The following PCDHAC1 variants were observed in gnomAD, a reference collection of about 807,000 sequenced individuals.
PCDHAC1 encodes protocadherin alpha-C1.
Under a neutral mutation model 60.0 loss-of-function variants are expected in PCDHAC1, and 42 were observed. That is an observed-to-expected ratio of 0.70 (90% CI 0.55 to 0.90). The LOEUF is 0.90. Among genes scored for constraint, PCDHAC1 ranks in the 40% least tolerant of loss-of-function variants. The pLI is 0.00. For missense variants in PCDHAC1, 1,160 were observed against 1,222.3 expected, an observed-to-expected ratio of 0.95 and a Z score of 0.76; for synonymous variants, 468 against 499.3, an observed-to-expected ratio of 0.94 and a Z score of 0.84.
chr5:140,929,437 A>G (rs533186503), intron 1 of PCDHAC1, 112 bp downstream of exon 1: 1 of 1,453,986 alleles, frequency 6.9e-7, no homozygotes, highest in Non-Finnish European at 9.2e-7. Context: ...TGAACTAAAC[A>G]CTCCTTCTTA....
At position 140,927,047 on chromosome 5, in the gene PCDHAC1, C is replaced by T. The variant is rs782800214; in HGVS notation, c.155C>T (p.Ser52Leu). The change falls in exon 1 of 4, where the codon TCG becomes TTG. Residue 52 changes from serine (S) to leucine (L), a missense_variant. By Grantham distance (145) the Ser-to-Leu change is moderately radical. Coordinates refer to ENST00000253807, the MANE Select transcript of PCDHAC1 (RefSeq NM_018898.5). ...AGGCTGCCAGCGGCCGCTATGTCCT[C>T]GCGGAACTTTCGCTTCCTTTCCAGC... ...DLRLPAAAMSSRNFRFLSSHR... is the reference protein window; with the variant it reads ...DLRLPAAAMSLRNFRFLSSHR... The T allele has an allele frequency of 2.5e-6, 4 of 1,612,066 alleles. No homozygotes were observed. The highest frequency in any genetic ancestry group is 1.7e-5 in the Admixed American group (1 of 59,932).
At chr5:140,949,264 G>T (rs139292588) in intron 1 of PCDHAC1, among the ~76,000 whole-genome samples, 2 of 151,666 alleles carry the variant, frequency 1.3e-5, no homozygotes, top group African/African-American at 2.4e-5. Flanking sequence ...AACATATCAC[G>T]TGCACTTGAA....
At position 141,011,373 on chromosome 5, in the gene PCDHAC1, TAA is replaced by T. The variant is rs1299941460; in HGVS notation, c.*1437_*1438del. The T allele has an allele frequency of 1.3e-5, 2 of 153,792 alleles. No homozygotes were observed. Among genetic ancestry groups the T allele is most frequent in the Non-Finnish European group, 2.9e-5 (2 of 68,046 alleles). The allele number at this position is 153,792 out of a possible 1,614,324, so 9.5% of individuals were successfully genotyped here. A position where few individuals can be genotyped will look rare whatever the true frequency, so the allele number is the denominator to read the frequency against. The stretch of plus-strand genomic sequence containing the variant: ...CCCATATGTATGCTGTATGCTATGC[TAA>T]GACTCCTGAAATATACTTACTCTGT... On this transcript the variant is annotated 3_prime_UTR_variant, in exon 4 of 4. Coordinates refer to ENST00000253807, the MANE Select transcript of PCDHAC1 (RefSeq NM_018898.5).
At chr5:141,000,103 G>A (rs551643743) in intron 3 of PCDHAC1, among the ~76,000 whole-genome samples, 15 of 152,186 alleles carry the variant, frequency 9.9e-5, no homozygotes, top group Admixed American at 5.2e-4. Context: ...GCTCAACTCC[G>A]TCTCTTCCCT....
At chr5:140,946,631 T>TATATATATAC (rs57893927) in intron 1 of PCDHAC1, among the ~76,000 whole-genome samples, 18,480 of 131,524 alleles carry the variant, frequency 0.14, 1,838 homozygotes, top group East Asian at 0.38. Context: ...TATATATATA[T>TATATATATAC]ACAATGGAAT....
At chr5:140,971,641 C>T (rs1554233513) in intron 1 of PCDHAC1, among the ~76,000 whole-genome samples, 1 of 152,078 alleles carries the variant, frequency 6.6e-6, no homozygotes, top group African/African-American at 2.4e-5. Context: ...CATGTGCCTA[C>T]ATTAAAAGTA....
At chr5:141,005,529 C>A (rs1387576846) in intron 3 of PCDHAC1, among the ~76,000 whole-genome samples, 2 of 151,154 alleles carry the variant, frequency 1.3e-5, no homozygotes, top group Non-Finnish European at 2.9e-5. Context: ...CGGTGAAACC[C>A]CGTCTCTACT....
intron 1 of PCDHAC1, among the ~76,000 whole-genome samples, chr5:140,937,132 GGTT>G (rs2091356684): frequency 6.6e-6 from 1 of 151,434 alleles, no homozygotes. Context: ...CCGCCTCCCG[GGTT>G]CATGCCATTC....
chr5:140,948,315 G>A (rs246048), intron 1 of PCDHAC1, among the ~76,000 whole-genome samples: 85,363 of 151,182 alleles, frequency 0.56, 24,689 homozygotes, highest in African/African-American at 0.69. Context: ...TTCTTGAGGG[G>A]TAATGTTTTC....
chr5:140,972,295 G>A (rs551210883), intron 1 of PCDHAC1, among the ~76,000 whole-genome samples: 2 of 151,388 alleles, frequency 1.3e-5, no homozygotes, highest in South Asian at 2.1e-4. Context: ...GTGCGCCACC[G>A]TGTCTGACTA....
rs546348432 is a variant in PCDHAC1, at chr5:141,012,203, T to G, written c.*2266T>G. ...TTATAATGTATCTGTACAGCACTTTTTACATTTGCGAAGTGCTTTCCAATC... is the reference window on the plus strand; with the variant it reads ...TTATAATGTATCTGTACAGCACTTTGTACATTTGCGAAGTGCTTTCCAATC... On this transcript the variant is annotated 3_prime_UTR_variant, in exon 4 of 4. Transcript: ENST00000253807. 2.0e-5 allele frequency: 3 copies of G among 153,792 alleles called. No individual in the cohort carries two copies. The highest frequency in any genetic ancestry group is 4.4e-5 in the Non-Finnish European group (3 of 68,050). The allele number at this position is 153,792 out of a possible 1,614,324, so 9.5% of individuals were successfully genotyped here.
chr5:140,992,698 A>G (rs764226558), intron 3 of PCDHAC1, among the ~76,000 whole-genome samples: 4 of 152,094 alleles, frequency 2.6e-5, no homozygotes, highest in Non-Finnish European at 4.4e-5. Flanking sequence ...GGGGTGGGTA[A>G]TGTTCCTGCC....
At chr5:140,978,914 C>A (rs2096828574) in intron 1 of PCDHAC1, 35 bp from the exon 2 acceptor site, 10 of 1,613,852 alleles carry the variant, frequency 6.2e-6, no homozygotes, top group Non-Finnish European at 8.5e-6. Context: ...ATTGTCTTGT[C>A]ATTTTAACAG....
chr5:140,972,478 AC>A (rs2096537655), intron 1 of PCDHAC1, among the ~76,000 whole-genome samples: 2 of 151,866 alleles, frequency 1.3e-5, no homozygotes, highest in Admixed American at 1.3e-4. Flanking sequence ...TCAGCATTTA[AC>A]CCCAGACTCT....
chr5:140,990,155 G>A (rs1483856647), intron 3 of PCDHAC1, among the ~76,000 whole-genome samples: 2 of 152,076 alleles, frequency 1.3e-5, no homozygotes, highest in Admixed American at 6.5e-5. Context: ...ATAATAGAAA[G>A]TTAGGGTATG....
intron 3 of PCDHAC1, among the ~76,000 whole-genome samples, chr5:140,994,668 G>A (rs2097644296): frequency 6.6e-6 from 1 of 152,118 alleles, no homozygotes; most frequent in Admixed American, 6.5e-5. Context: ...TCACACTACT[G>A]CACTCCAGCC....
chr5:140,926,620 C>G lies in PCDHAC1; in HGVS notation c.-273C>G. ...GCGGCCTCGTCTCTGCACCCCTAGGCGGCGCTGCGCTCCTCAACACCCGGC... is the reference window on the plus strand; with the variant it reads ...GCGGCCTCGTCTCTGCACCCCTAGGGGGCGCTGCGCTCCTCAACACCCGGC... On this transcript the variant is annotated 5_prime_UTR_variant, in exon 1 of 4. Coordinates refer to ENST00000253807, the MANE Select transcript of PCDHAC1 (RefSeq NM_018898.5). 2.6e-6 allele frequency: 1 copy of G among 385,534 alleles called. No homozygotes were observed. The highest frequency in any genetic ancestry group is 4.4e-5 in the Admixed American group (1 of 22,974). 23.9% of individuals were successfully genotyped at this position (385,534 alleles called of 1,614,324 possible). A position where few individuals can be genotyped will look rare whatever the true frequency, so the allele number is the denominator to read the frequency against.
Position 140,956,280 on chromosome 5 carries a change from G to A in PCDHAC1, c.2434-22669G>A, listed in dbSNP as rs554735108. On this transcript the variant is annotated intron_variant, in intron 1 of 3. Coordinates refer to ENST00000253807, the MANE Select transcript of PCDHAC1 (RefSeq NM_018898.5). ...GCCCATTCAGTGTGGTATTGGCTGT[G>A]GGTTTATCATATATATGGCTCTTAT... Among the ~76,000 whole-genome samples, 16 of 152,206 alleles carry A rather than the reference G, an allele frequency of 1.1e-4. No individual in the cohort carries two copies. In the South Asian group the frequency reaches 3.3e-3, roughly 32 times the overall value.
rs1554205848 is a variant in PCDHAC1 at position 140,928,399 on chromosome 5, T to C, written c.1507T>C (p.Ser503Pro). The change falls in exon 1 of 4, where the codon TCC becomes CCC. Residue 503 changes from serine (S) to proline (P), a missense_variant. Transcript: ENST00000253807. ...CTCTAGCTTGCTGGCAGTGGAATCA[T>C]CCAGTGGGGCCATCACTGCCAAAAC... ...SASSLLAVES[S>P]SGAITAKTSF... 1 of 1,613,926 alleles carries C rather than the reference T, an allele frequency of 6.2e-7. No homozygotes were observed. Among genetic ancestry groups the C allele is most frequent in the African/African-American group, 1.3e-5 (1 of 74,898 alleles).
Sources: allele counts gnomAD v4.1 joint callset (sites outside exome capture counted in the v4.1 genomes callset), GRCh38; gene constraint gnomAD v4.1.1; transcripts MANE v1.5; gene names NCBI Gene and HGNC (gene_info 2026-07-23, HGNC 2026-07-21).